FAM227A: variants seen among roughly 807,000 people sequenced by gnomAD.
FAM227A encodes the protein family with sequence similarity 227 member A.
FAM227A carries 80 observed loss-of-function variants against 74.7 expected under a neutral mutation model. That is an observed-to-expected ratio of 1.07 (90% CI 0.89 to 1.29). FAM227A has a LOEUF of 1.29. FAM227A is among the 50% of genes most tolerant of loss of function. The pLI is 0.00. For synonymous variants in FAM227A, 237 were observed against 241.8 expected (o/e 0.98, Z 0.19); for missense variants, 654 against 683.4 (o/e 0.96, Z 0.48).
chr22:38,596,231 G>A (rs1165192319), intron 15 of FAM227A, among the ~76,000 whole-genome samples: 2 of 152,160 alleles, frequency 1.3e-5, no homozygotes, highest in Admixed American at 1.3e-4. Context: ...TGAGGCGGGA[G>A]GATTGCTTGA....
At chr22:38,617,042 G>T (rs922614981) in intron 11 of FAM227A, among the ~76,000 whole-genome samples, 1 of 152,066 alleles carries the variant, frequency 6.6e-6, no homozygotes, top group African/African-American at 2.4e-5. Flanking sequence ...AGGAGGGCAG[G>T]TGGGGAAGGA....
intron 15 of FAM227A, among the ~76,000 whole-genome samples, chr22:38,596,854 A>G (rs1376410532): frequency 6.6e-6 from 1 of 152,200 alleles, no homozygotes; most frequent in Non-Finnish European, 1.5e-5. Context: ...ATGACTCTAC[A>G]CTACTTTATT....
chr22:38,599,691 C>T, intron 14 of FAM227A, 73 bp downstream of exon 14: 1 of 1,430,372 alleles, frequency 7.0e-7, no homozygotes, highest in Non-Finnish European at 9.3e-7. Context: ...GTGCCATTCC[C>T]TGACCTTTGC....
chr22:38,593,905 T>C (rs2090991523), intron 15 of FAM227A, among the ~76,000 whole-genome samples: 1 of 152,122 alleles, frequency 6.6e-6, no homozygotes, highest in Non-Finnish European at 1.5e-5. Flanking sequence ...TTGGCCCGGC[T>C]GGTCTCAAAC....
At chr22:38,630,041 T>C (rs1315894834) in intron 6 of FAM227A, among the ~76,000 whole-genome samples, 2 of 144,760 alleles carry the variant, frequency 1.4e-5, no homozygotes, top group African/African-American at 5.2e-5. Context: ...GTGCCTCTTC[T>C]TTGCCATCAC....
At chr22:38,612,640 G>A (rs2091439129) in intron 11 of FAM227A, among the ~76,000 whole-genome samples, 1 of 152,150 alleles carries the variant, frequency 6.6e-6, no homozygotes, top group Non-Finnish European at 1.5e-5. Flanking sequence ...ACCTGCAGAT[G>A]CACCACCCCT....
intron 1 of FAM227A, among the ~76,000 whole-genome samples, chr22:38,652,879 A>C (rs1369889314): frequency 1.3e-5 from 1 of 79,032 alleles, no homozygotes; most frequent in Non-Finnish European, 3.0e-5. Context: ...TCCATCTCAA[A>C]AAAAAAAAAA....
intron 3 of FAM227A, among the ~76,000 whole-genome samples, chr22:38,645,170 T>A (rs1387097114): frequency 2.6e-5 from 4 of 151,584 alleles, no homozygotes; most frequent in Admixed American, 6.6e-5. Context: ...GGCGGGCAGA[T>A]CACGAAGTCA....
At chr22:38,619,448 T>C (rs1329315670) in intron 11 of FAM227A, among the ~76,000 whole-genome samples, 3 of 152,188 alleles carry the variant, frequency 2.0e-5, no homozygotes, top group African/African-American at 7.2e-5. Flanking sequence ...CTCAGCCTCC[T>C]GAGTAGCTGG....
intron 1 of FAM227A, among the ~76,000 whole-genome samples, chr22:38,652,604 A>C (rs1364699014): frequency 1.4e-5 from 2 of 144,848 alleles, no homozygotes; most frequent in African/African-American, 5.1e-5. Flanking sequence ...AAAAAAAAAA[A>C]GGTCGGGCGT....
chr22:38,628,401 G>T, intron 7 of FAM227A, 59 bp from the exon 8 acceptor site: 1 of 1,060,496 alleles, frequency 9.4e-7, no homozygotes, highest in Non-Finnish European at 1.4e-6. Flanking sequence ...ACAACTGAGG[G>T]GCTGGGATTT....
At position 38,639,646 on chromosome 22, in the gene FAM227A, G is replaced by A; in HGVS notation, c.295+9C>T. 1 of 1,551,714 alleles carries A rather than the reference G, an allele frequency of 6.4e-7. No homozygotes were observed. The highest frequency in any genetic ancestry group is 8.7e-7 in the Non-Finnish European group (1 of 1,146,900). ...AAAAGAGCATCAAGGCTGAGGGAAA[G>A]GTTTTTGCCTTTGTCTTCTGGACTG... On this transcript the variant is annotated intron_variant, in intron 4 of 16. Coordinates refer to ENST00000535113, the MANE Select transcript of FAM227A (RefSeq NM_001013647.2).
Position 38,628,924 on chromosome 22 carries a change from T to G in FAM227A, c.531A>C (p.Ser177=). 1 of 1,513,238 alleles carries G rather than the reference T, an allele frequency of 6.6e-7. No homozygotes were observed. The highest frequency in any genetic ancestry group is 8.9e-7 in the Non-Finnish European group (1 of 1,125,384). The allele number at this position is 1,513,238 out of a possible 1,614,324, so 93.7% of individuals were successfully genotyped here. The change falls in exon 7 of 17, where the codon TCA becomes TCC. Residue 177 remains serine (S), a synonymous_variant. Transcript: ENST00000535113. ...AGAGAAACTTCTCTAATTCTCTACC[T>G]GAACAGAAATGCTTGGAAAAAAAAA... is the stretch of plus-strand genomic sequence containing the variant. ...RDCLSGKHFC[S]GRELEKFLSS... is the part of the protein sequence containing the mutation.
intron 15 of FAM227A, among the ~76,000 whole-genome samples, chr22:38,595,137 T>G (rs1320343584): frequency 6.6e-6 from 1 of 152,196 alleles, no homozygotes; most frequent in Admixed American, 6.5e-5. Context: ...AATTGTATTA[T>G]ATTGCATAAC....
At chr22:38,595,204 A>T (rs1054379925) in intron 15 of FAM227A, among the ~76,000 whole-genome samples, 4 of 152,238 alleles carry the variant, frequency 2.6e-5, no homozygotes, top group African/African-American at 9.6e-5. Flanking sequence ...GGAGACATGG[A>T]TAGCTGTCTA....
chr22:38,600,929 C>A (rs549865350), intron 13 of FAM227A, among the ~76,000 whole-genome samples: 1 of 145,258 alleles, frequency 6.9e-6, no homozygotes. Context: ...TCCAGCCTGG[C>A]GACAGAGTGA....
chr22:38,623,085 C>A, intron 10 of FAM227A, 87 bp downstream of exon 10: 4 of 917,670 alleles, frequency 4.4e-6, no homozygotes, highest in Non-Finnish European at 6.8e-6. Flanking sequence ...CTGAGGACAT[C>A]AATGCTAAGG....
At chr22:38,638,707 G>A in intron 5 of FAM227A, 39 bp downstream of exon 5, 6 of 1,411,674 alleles carry the variant, frequency 4.3e-6, no homozygotes, top group Non-Finnish European at 5.9e-6. Flanking sequence ...ATGCCTAGCA[G>A]AAGCCGGTCA....
chr22:38,637,624 C>CT (rs1290027041), intron 5 of FAM227A, among the ~76,000 whole-genome samples: 1 of 152,238 alleles, frequency 6.6e-6, no homozygotes, highest in Non-Finnish European at 1.5e-5. Context: ...GGCACTGACT[C>CT]TGAGTTAGAT....
Sources: allele counts gnomAD v4.1 joint callset (sites outside exome capture counted in the v4.1 genomes callset), GRCh38; gene constraint gnomAD v4.1.1; transcripts MANE v1.5; gene names NCBI Gene and HGNC (gene_info 2026-07-23, HGNC 2026-07-21).